Variants in PCDHA11 observed in about 807,000 individuals in gnomAD.
PCDHA11 encodes protocadherin alpha-11.
Under a neutral mutation model 70.3 loss-of-function variants are expected in PCDHA11, and 61 were observed. That is an observed-to-expected ratio of 0.87 (90% CI 0.71 to 1.07). The LOEUF (loss-of-function observed/expected upper bound fraction) is 1.07. PCDHA11 is among the 50% of genes least tolerant of loss of function. PCDHA11 has a pLI of 0.00. For missense variants in PCDHA11, 1,324 were observed against 1,237.5 expected (o/e 1.07, Z -1.05); for synonymous variants, 633 against 555.1 (o/e 1.14, Z -1.97).
rs2051668710 is a variant in PCDHA11, at chr5:140,870,104, CA to C, written c.1002del (p.Val335SerfsTer17). The C allele has an allele frequency of 1.9e-6, 3 of 1,613,930 alleles. No individual in the cohort carries two copies. In the East Asian group the frequency reaches 6.7e-5, roughly 36 times the overall value. On this transcript the variant is annotated frameshift_variant, in exon 1 of 4. Coordinates refer to ENST00000398640, the MANE Select transcript of PCDHA11 (RefSeq NM_018902.5). LOFTEE classifies it high-confidence loss of function. ...ACTCCCCCAATGGCAGGTCACTGTACAGTCTGGGTGGAAATCTTGGACACCA... is the reference window on the plus strand; with the variant it reads ...ACTCCCCCAATGGCAGGTCACTGTACGTCTGGGTGGAAATCTTGGACACCA... ...KGTPPMAGHC[T>X]VWVEILDTND... is the part of the protein sequence containing the mutation.
intron 1 of PCDHA11, among the ~76,000 whole-genome samples, chr5:140,935,180 T>C (rs781934014): frequency 3.9e-5 from 6 of 152,214 alleles, no homozygotes; most frequent in Non-Finnish European, 7.3e-5. Flanking sequence ...TTATTGCTGC[T>C]GGGTCAGTTG....
At chr5:140,949,657 T>G (rs908826690) in intron 1 of PCDHA11, among the ~76,000 whole-genome samples, 2 of 151,876 alleles carry the variant, frequency 1.3e-5, no homozygotes, top group Non-Finnish European at 3.0e-5. Flanking sequence ...TTTACTTTTG[T>G]TTCTTTAAAG....
chr5:140,884,590 C>T, intron 1 of PCDHA11: 1 of 1,614,182 alleles, frequency 6.2e-7, no homozygotes, highest in Non-Finnish European at 8.5e-7. Flanking sequence ...CCTTCAGTCC[C>T]AGCCTTCCTC....
intron 3 of PCDHA11, among the ~76,000 whole-genome samples, chr5:140,994,615 G>C (rs2097641272): frequency 6.6e-6 from 1 of 152,078 alleles, no homozygotes; most frequent in Admixed American, 6.6e-5. Context: ...TGAGGCACGA[G>C]AGTCACTTGA....
chr5:140,869,799 C>T lies in PCDHA11; in HGVS notation c.696C>T (p.Val232=), dbSNP rs781959839. The change falls in exon 1 of 4, where the codon GTC becomes GTT. Residue 232 remains valine (V), a synonymous_variant. Coordinates refer to ENST00000398640, the MANE Select transcript of PCDHA11 (RefSeq NM_018902.5). ...LTGTVRLLVQ[V]LDVNDNDPEF... ...GCACCGTTCGGCTGTTAGTCCAAGT[C>T]TTGGATGTCAACGACAATGATCCAG... 6.2e-7 allele frequency: 1 copy of T among 1,612,706 alleles called. No individual in the cohort carries two copies. Among genetic ancestry groups the T allele is most frequent in the Non-Finnish European group, 8.5e-7 (1 of 1,179,448 alleles).
rs1446596900 is a variant in PCDHA11 at position 140,900,305 on chromosome 5, C to T, written c.2391+28811C>T. On this transcript the variant is annotated intron_variant, in intron 1 of 3. Transcript: ENST00000398640. ...TTTCTTTTCTGTTTTTTTAGACAGTCTCACTTTTGTCGCCCAGGCTGGAGT... is the reference window on the plus strand; with the variant it reads ...TTTCTTTTCTGTTTTTTTAGACAGTTTCACTTTTGTCGCCCAGGCTGGAGT... Among the ~76,000 whole-genome samples the T allele has an allele frequency of 1.3e-4, 20 of 151,754 alleles. No homozygotes were observed. In the East Asian group the frequency reaches 3.9e-3, roughly 30 times the overall value.
intron 1 of PCDHA11, chr5:140,875,319 A>T: frequency 7.0e-7 from 1 of 1,428,968 alleles, no homozygotes; most frequent in South Asian, 1.6e-5. Context: ...CATTCCAATC[A>T]TTCACGGAAT....
intron 3 of PCDHA11, among the ~76,000 whole-genome samples, chr5:141,003,899 A>G (rs1288060303): frequency 1.3e-5 from 2 of 152,200 alleles, no homozygotes; most frequent in East Asian, 1.9e-4. Context: ...AGGCCCATTC[A>G]TTTGGGTCTT....
At chr5:140,988,467 A>T (rs1245281936) in intron 3 of PCDHA11, among the ~76,000 whole-genome samples, 12 of 152,242 alleles carry the variant, frequency 7.9e-5, no homozygotes, top group African/African-American at 2.4e-4. Flanking sequence ...AGGGTGTGGG[A>T]AGGGGAATTA....
At chr5:140,979,159 T>C in intron 2 of PCDHA11, 152 bp downstream of exon 2, 4 of 1,426,630 alleles carry the variant, frequency 2.8e-6, no homozygotes, top group Non-Finnish European at 3.7e-6. Flanking sequence ...CCATGTTTAT[T>C]CCTTGAAAGA....
intron 1 of PCDHA11, among the ~76,000 whole-genome samples, chr5:140,895,123 T>C (rs1583185390): frequency 6.6e-6 from 1 of 152,300 alleles, no homozygotes; most frequent in East Asian, 1.9e-4. Flanking sequence ...CATTTGTTAG[T>C]TGACAAGTTC....
Position 140,967,485 on chromosome 5 carries a change from C to T in PCDHA11, c.2392-11464C>T, listed in dbSNP as rs781948599. 7 of 1,613,056 alleles carry T rather than the reference C, an allele frequency of 4.3e-6. No individual in the cohort carries two copies. The South Asian group carries it at 5.5e-5, about 13-fold the overall frequency. On this transcript the variant is annotated intron_variant, in intron 1 of 3. Coordinates refer to ENST00000398640, the MANE Select transcript of PCDHA11 (RefSeq NM_018902.5). ...GGGGGCATCCCAGCCCGCTCGGGTA[C>T]GGCACAGATCTCTGTGCGTGTCCTG...
rs116072877 is a variant in PCDHA11 at position 140,927,686 on chromosome 5, A to G, written c.2392-51263A>G. On this transcript the variant is annotated intron_variant, in intron 1 of 3. Transcript: ENST00000398640. ...GCCTTGGATCCAGATGAAGGGTCCA[A>G]TGGGGAAGTCCAGTACTCCCTAAGC... 796 of 1,614,196 alleles carry G rather than the reference A, an allele frequency of 4.9e-4. 3 individuals carry two copies. The African/African-American group carries it at 7.7e-3, about 16-fold the overall frequency.
chr5:140,945,534 TACAA>T (rs1326981055), intron 1 of PCDHA11, among the ~76,000 whole-genome samples: 1 of 151,454 alleles, frequency 6.6e-6, no homozygotes, highest in African/African-American at 2.4e-5. Flanking sequence ...AAACAAAACA[TACAA>T]ACAAAAAAAT....
At chr5:140,964,721 C>T (rs2095851062) in intron 1 of PCDHA11, among the ~76,000 whole-genome samples, 1 of 151,598 alleles carries the variant, frequency 6.6e-6, no homozygotes, top group East Asian at 1.9e-4. Flanking sequence ...CAAATTACCA[C>T]AGCAAACTGA....
chr5:141,006,505 G>A (rs2098276412), intron 3 of PCDHA11, among the ~76,000 whole-genome samples: 2 of 152,020 alleles, frequency 1.3e-5, no homozygotes, highest in African/African-American at 4.8e-5. Flanking sequence ...GAGCCACCGC[G>A]CCTGGCTGTT....
At chr5:141,007,379 C>T (rs1178671835) in intron 3 of PCDHA11, among the ~76,000 whole-genome samples, 1 of 139,926 alleles carries the variant, frequency 7.1e-6, no homozygotes, top group Non-Finnish European at 1.5e-5. Context: ...GATGGAACAC[C>T]ATCTCTACTA....
intron 1 of PCDHA11, among the ~76,000 whole-genome samples, chr5:140,896,969 CACAA>C (rs1554187153): frequency 2.0e-5 from 3 of 152,106 alleles, no homozygotes; most frequent in African/African-American, 7.2e-5. Context: ...TTATTCTTTG[CACAA>C]ACAAACCAGT....
intron 3 of PCDHA11, among the ~76,000 whole-genome samples, chr5:141,007,451 C>A (rs2098330384): frequency 6.6e-6 from 1 of 151,640 alleles, no homozygotes; most frequent in Non-Finnish European, 1.5e-5. Context: ...GCCTGTAGTC[C>A]CAGCTACTCA....
Sources: allele counts gnomAD v4.1 joint callset (sites outside exome capture counted in the v4.1 genomes callset), GRCh38; gene constraint gnomAD v4.1.1; transcripts MANE v1.5; gene names NCBI Gene and HGNC (gene_info 2026-07-23, HGNC 2026-07-21).